The following PTPN9 variants were observed in gnomAD, a reference collection of about 807,000 sequenced individuals.
The protein encoded by PTPN9 is tyrosine-protein phosphatase non-receptor type 9.
In PTPN9, 26 loss-of-function variants were observed where a neutral mutation model predicts 69.8. The ratio of observed to expected loss-of-function variants is 0.37; its 90% CI spans 0.27 to 0.52. The LOEUF (loss-of-function observed/expected upper bound fraction) is 0.52. Ranked by LOEUF, PTPN9 falls within the 20% of genes least tolerant of loss-of-function variation. PTPN9 has a pLI of 0.91. For missense variants in PTPN9, 549 were observed against 740.3 expected (o/e 0.74, Z 3.00); for synonymous variants, 274 against 272.5 (o/e 1.01, Z -0.05).
chr15:75,562,149 G>C (rs1283520001), intron 1 of PTPN9, among the ~76,000 whole-genome samples: 12 of 152,232 alleles, frequency 7.9e-5, no homozygotes, highest in African/African-American at 2.9e-4. Context: ...CACTGCGCCT[G>C]GCCAAGATGG....
intron 7 of PTPN9, among the ~76,000 whole-genome samples, chr15:75,493,709 T>C (rs937084401): frequency 2.0e-5 from 3 of 151,742 alleles, no homozygotes; most frequent in African/African-American, 7.3e-5. Flanking sequence ...TGCAGTGAGC[T>C]GAAATTGCGC....
At chr15:75,476,607 G>A (rs142012667) in intron 9 of PTPN9, among the ~76,000 whole-genome samples, 265 of 152,282 alleles carry the variant, frequency 1.7e-3, no homozygotes, top group African/African-American at 6.0e-3. Context: ...GAGCCACCGT[G>A]CCCGGCCTGG....
intron 8 of PTPN9, chr15:75,487,619 A>G (rs2074686249): frequency 1.3e-5 from 2 of 152,216 alleles, no homozygotes; most frequent in Non-Finnish European, 2.9e-5. Context: ...CAGAGCCCCA[A>G]CTCAACCACT....
chr15:75,477,902 G>A (rs1344433108), intron 9 of PTPN9, among the ~76,000 whole-genome samples: 5 of 142,622 alleles, frequency 3.5e-5, no homozygotes, highest in South Asian at 2.3e-4. Context: ...GTGCAATGGC[G>A]CAGTCGCAGT....
chr15:75,489,174 CAA>C (rs35540489), intron 8 of PTPN9, among the ~76,000 whole-genome samples: 39 of 64,216 alleles, frequency 6.1e-4, no homozygotes, highest in African/African-American at 1.0e-3. Flanking sequence ...GACTCCGTCT[CAA>C]AAAAAAAAAA....
chr15:75,549,478 A>G (rs1236142312), intron 1 of PTPN9, among the ~76,000 whole-genome samples: 3 of 152,224 alleles, frequency 2.0e-5, no homozygotes, highest in African/African-American at 7.2e-5. Flanking sequence ...CTGGGATTAC[A>G]GGTGTAAGCC....
intron 1 of PTPN9, among the ~76,000 whole-genome samples, chr15:75,575,010 G>GTTTT: frequency 0.018 from 288 of 15,746 alleles, 116 homozygotes; most frequent in South Asian, 0.025. Context: ...TTGAGACAGA[G>GTTTT]GAGACGGAGT....
intron 7 of PTPN9, among the ~76,000 whole-genome samples, chr15:75,500,469 C>T (rs562626598): frequency 8.6e-5 from 13 of 151,870 alleles, no homozygotes; most frequent in African/African-American, 2.9e-4. Context: ...ACCCACAAGG[C>T]GGAGGTTGCA....
chr15:75,576,848 C>CA (rs758400663), intron 1 of PTPN9, among the ~76,000 whole-genome samples: 7 of 149,074 alleles, frequency 4.7e-5, no homozygotes, highest in Non-Finnish European at 7.4e-5. Flanking sequence ...AACTCCATCT[C>CA]AAAAAAAAAG....
chr15:75,480,697 C>G, intron 8 of PTPN9: 5 of 1,306,712 alleles, frequency 3.8e-6, no homozygotes, highest in Non-Finnish European at 3.9e-6. Flanking sequence ...ACCGCAGCCA[C>G]CGCCGCCCCA....
intron 11 of PTPN9, 51 bp downstream of exon 11, chr15:75,470,629 A>T: frequency 1.3e-6 from 2 of 1,580,574 alleles, no homozygotes; most frequent in Non-Finnish European, 1.7e-6. Flanking sequence ...CATTACAGTA[A>T]TTATTCTCCC....
intron 9 of PTPN9, among the ~76,000 whole-genome samples, chr15:75,478,012 T>C (rs1271203779): frequency 1.3e-5 from 2 of 151,430 alleles, no homozygotes; most frequent in African/African-American, 4.9e-5. Context: ...AGCTAATTTT[T>C]GTATTTTTAG....
chr15:75,575,918 C>CA (rs759810846), intron 1 of PTPN9, among the ~76,000 whole-genome samples: 9,734 of 38,890 alleles, frequency 0.25, 1,286 homozygotes, highest in Non-Finnish European at 0.33. Flanking sequence ...GACTCCATCT[C>CA]AAAAAAAAAA....
chr15:75,554,675 C>T (rs1013673878), intron 1 of PTPN9, among the ~76,000 whole-genome samples: 6 of 152,150 alleles, frequency 3.9e-5, no homozygotes, highest in African/African-American at 1.2e-4. Flanking sequence ...AACTCAGGAA[C>T]AAACGTATAT....
At chr15:75,536,677 G>A (rs769361626) in intron 1 of PTPN9, among the ~76,000 whole-genome samples, 3 of 152,150 alleles carry the variant, frequency 2.0e-5, no homozygotes, top group Non-Finnish European at 2.9e-5. Context: ...GAACCAGACT[G>A]GGAAGGCCCT....
chr15:75,544,730 A>G (rs890381714), intron 1 of PTPN9, among the ~76,000 whole-genome samples: 1 of 152,160 alleles, frequency 6.6e-6, no homozygotes, highest in Non-Finnish European at 1.5e-5. Context: ...CAACCAGAAG[A>G]AACCTGTAAA....
In PTPN9 at chr15:75,568,530, C is replaced by CA. The variant is rs1319658924; in HGVS notation, c.63+10183dup. ...CTCAAAAAAAAAAAAAAAAACAAAA[C>CA]AAAAAAAAAACAACCTAATGCTGGA... is the stretch of plus-strand genomic sequence containing the variant. On this transcript the variant is annotated intron_variant, in intron 1 of 12. Transcript: ENST00000618819. Among the ~76,000 whole-genome samples, 574 of 125,446 alleles carry CA rather than the reference C, an allele frequency of 4.6e-3. 2 individuals carry two copies. The highest frequency in any genetic ancestry group is 0.013 in the African/African-American group (433 of 34,480). 82.3% of individuals were successfully genotyped at this position (125,446 alleles called of 152,430 possible).
At chr15:75,479,940 A>G (rs2074619061) in intron 8 of PTPN9, 26 bp from the exon 9 acceptor site, 1 of 1,505,136 alleles carries the variant, frequency 6.6e-7, no homozygotes, top group Admixed American at 1.8e-5. Context: ...AGACATCACT[A>G]TAGCTACACA....
chr15:75,548,836 A>G (rs2075045232), intron 1 of PTPN9, among the ~76,000 whole-genome samples: 1 of 151,254 alleles, frequency 6.6e-6, no homozygotes, highest in Non-Finnish European at 1.5e-5. Flanking sequence ...TGTATTTTTA[A>G]TAGAGACGGG....
Sources: gnomAD v4.1 joint callset for allele counts (sites outside exome capture counted in the v4.1 genomes callset) on GRCh38, gnomAD v4.1.1 for gene constraint, MANE v1.5 for transcripts, NCBI Gene and HGNC (gene_info 2026-07-23, HGNC 2026-07-21) for gene names.